Variants in VAV2 observed in about 807,000 individuals in gnomAD.
The protein encoded by VAV2 is guanine nucleotide exchange factor VAV2.
In VAV2, 67 loss-of-function variants were observed where a neutral mutation model predicts 132.5. The ratio of observed to expected loss-of-function variants is 0.51; its 90% CI spans 0.42 to 0.62. VAV2 has a LOEUF of 0.62. Ranked by LOEUF, VAV2 falls within the 20% of genes least tolerant of loss-of-function variation. The pLI, the probability that VAV2 is intolerant of heterozygous loss-of-function variation, is 0.00. For synonymous variants in VAV2, 492 were observed against 443.5 expected, an observed-to-expected ratio of 1.11 and a Z score of -1.37; for missense variants, 938 against 1,153.6, an observed-to-expected ratio of 0.81 and a Z score of 2.71.
At chr9:133,869,573 G>A (rs1837945892) in intron 2 of VAV2, among the ~76,000 whole-genome samples, 1 of 152,146 alleles carries the variant, frequency 6.6e-6, no homozygotes, top group African/African-American at 2.4e-5. Flanking sequence ...TCATGCCACT[G>A]CACTCCAGCC....
chr9:133,817,850 C>T (rs546218194), intron 4 of VAV2, among the ~76,000 whole-genome samples: 1 of 152,092 alleles, frequency 6.6e-6, no homozygotes, highest in Non-Finnish European at 1.5e-5. Flanking sequence ...CCTCTAAGTC[C>T]GTGACCGTAT....
At chr9:133,968,841 C>T (rs1842232780) in intron 1 of VAV2, among the ~76,000 whole-genome samples, 1 of 152,210 alleles carries the variant, frequency 6.6e-6, no homozygotes, top group Non-Finnish European at 1.5e-5. Context: ...CTGGCTGGCT[C>T]AGCGGCTCGC....
At chr9:133,851,634 GA>G (rs1231208255) in intron 3 of VAV2, among the ~76,000 whole-genome samples, 1 of 152,212 alleles carries the variant, frequency 6.6e-6, no homozygotes, top group African/African-American at 2.4e-5. Flanking sequence ...ATATTCATGT[GA>G]AATAGGGCAG....
intron 2 of VAV2, among the ~76,000 whole-genome samples, chr9:133,872,683 T>G (rs1305080225): frequency 6.6e-6 from 1 of 151,524 alleles, no homozygotes. Context: ...GGTGGCCTCC[T>G]GGAGCACAGG....
chr9:133,890,930 T>A (rs960157932), intron 2 of VAV2, among the ~76,000 whole-genome samples: 2 of 152,190 alleles, frequency 1.3e-5, no homozygotes, highest in African/African-American at 4.8e-5. Flanking sequence ...CACCCATCCC[T>A]GCAAACTGGC....
chr9:133,847,512 G>A (rs953844751), intron 3 of VAV2, among the ~76,000 whole-genome samples: 3 of 152,198 alleles, frequency 2.0e-5, no homozygotes, highest in Non-Finnish European at 2.9e-5. Flanking sequence ...TTTCTCAGCT[G>A]TCAGAGGCCA....
At chr9:133,801,980 G>A (rs1252611150) in intron 9 of VAV2, among the ~76,000 whole-genome samples, 1 of 152,112 alleles carries the variant, frequency 6.6e-6, no homozygotes, top group African/African-American at 2.4e-5. Context: ...AAGCCACCAT[G>A]TTTGCGGTCA....
chr9:133,874,615 A>G (rs796661142), intron 2 of VAV2, among the ~76,000 whole-genome samples: 62 of 152,136 alleles, frequency 4.1e-4, no homozygotes, highest in African/African-American at 1.4e-3. Flanking sequence ...TGGGAACAGC[A>G]CCTCAAGGGC....
chr9:133,825,463 T>C (rs903661318), intron 4 of VAV2, among the ~76,000 whole-genome samples: 1 of 152,132 alleles, frequency 6.6e-6, no homozygotes, highest in Admixed American at 6.5e-5. Context: ...TGGGGCCGTT[T>C]TCGTGGAGTC....
At chr9:133,956,784 C>T (rs1431182669) in intron 1 of VAV2, among the ~76,000 whole-genome samples, 1 of 152,188 alleles carries the variant, frequency 6.6e-6, no homozygotes, top group East Asian at 1.9e-4. Context: ...GCTGCAGCCT[C>T]GCCTTCCGCC....
chr9:133,958,426 C>A (rs1564501851), intron 1 of VAV2, among the ~76,000 whole-genome samples: 1 of 150,188 alleles, frequency 6.7e-6, no homozygotes, highest in Non-Finnish European at 1.5e-5. Flanking sequence ...GTATGCATAT[C>A]TAAAAGCACA....
At position 133,789,497 on chromosome 9, in the gene VAV2, G is replaced by A. The variant is rs369290540; in HGVS notation, c.1189-154C>T. The stretch of plus-strand genomic sequence containing the variant: ...ACAGCCCCTGTGGCTCCCAGCTGGT[G>A]CTCAGGATGGACGAGGGAGGGTGCA... On this transcript the variant is annotated intron_variant, in intron 13 of 29. Transcript: ENST00000371850. Among the ~76,000 whole-genome samples the A allele has an allele frequency of 2.5e-3, 386 of 152,348 alleles. 2 individuals carry two copies. Among genetic ancestry groups the A allele is most frequent in the Middle Eastern group, 0.017 (5 of 294 alleles).
rs142887595 is a variant in VAV2 at position 133,859,807 on chromosome 9, T to G, written c.380+1567A>C. On this transcript the variant is annotated intron_variant, in intron 3 of 29. Coordinates refer to ENST00000371850, the MANE Select transcript of VAV2 (RefSeq NM_001134398.2). The stretch of plus-strand genomic sequence containing the variant: ...ATACTTTTAAAAACAATTAAACATG[T>G]TTTAAACGGTGCCTATTACAGACTT... Among the ~76,000 whole-genome samples, 310 of 152,180 alleles carry G rather than the reference T, an allele frequency of 2.0e-3. 6 individuals carry two copies. The highest frequency in any genetic ancestry group is 7.2e-3 in the African/African-American group (298 of 41,500).
At position 133,964,046 on chromosome 9, in the gene VAV2, T is replaced by TAC. The variant is rs1554819041; in HGVS notation, c.205-24828_205-24827insGT. 2.3e-4 allele frequency among the ~76,000 whole-genome samples: 20 copies of TAC among 87,880 alleles called. No homozygotes were observed. The South Asian group carries it at 2.7e-3, about 12-fold the overall frequency. 57.7% of individuals were successfully genotyped at this position (87,880 alleles called of 152,430 possible). A position where few individuals can be genotyped will look rare whatever the true frequency, so the allele number is the denominator to read the frequency against. On this transcript the variant is annotated intron_variant, in intron 1 of 29. Transcript: ENST00000371850. The stretch of plus-strand genomic sequence containing the variant: ...TCATATATATATATATATATATATA[T>TAC]ATACATATATATACATATATATAAA...
chr9:133,881,204 A>G (rs1838481752), intron 2 of VAV2, among the ~76,000 whole-genome samples: 1 of 152,238 alleles, frequency 6.6e-6, no homozygotes, highest in East Asian at 1.9e-4. Flanking sequence ...TTGTCCCCAG[A>G]AAAGCTGCCT....
chr9:133,850,471 C>CGAATGAGG (rs1394586060), intron 3 of VAV2, among the ~76,000 whole-genome samples: 6 of 152,116 alleles, frequency 3.9e-5, no homozygotes, highest in Non-Finnish European at 8.8e-5. Flanking sequence ...GAATGAGGAA[C>CGAATGAGG]GAATGAGGGA....
intron 25 of VAV2, among the ~76,000 whole-genome samples, chr9:133,773,744 T>C (rs1223282337): frequency 6.6e-6 from 1 of 152,182 alleles, no homozygotes; most frequent in Non-Finnish European, 1.5e-5. Flanking sequence ...CAATTAAGTA[T>C]TTTTTTGCTG....
At chr9:133,880,208 G>C (rs572370634) in intron 2 of VAV2, among the ~76,000 whole-genome samples, 10 of 152,326 alleles carry the variant, frequency 6.6e-5, no homozygotes, top group African/African-American at 2.4e-4. Flanking sequence ...TGGACACCAG[G>C]GTACAAGGTG....
chr9:133,981,114 G>A (rs1175183906), intron 1 of VAV2, among the ~76,000 whole-genome samples: 1 of 152,228 alleles, frequency 6.6e-6, no homozygotes, highest in African/African-American at 2.4e-5. Context: ...AGAAGCAGGA[G>A]ACGGGGTGAG....
Sources: gnomAD v4.1 joint callset for allele counts (sites outside exome capture counted in the v4.1 genomes callset) on GRCh38, gnomAD v4.1.1 for gene constraint, MANE v1.5 for transcripts, NCBI Gene and HGNC (gene_info 2026-07-23, HGNC 2026-07-21) for gene names.